GPC5: variants seen among roughly 807,000 people sequenced by gnomAD.
GPC5 encodes the protein glypican-5.
Under a neutral mutation model 53.9 loss-of-function variants are expected in GPC5, and 47 were observed. The ratio of observed to expected loss-of-function variants is 0.87; its 90% CI spans 0.69 to 1.11. GPC5 has a LOEUF of 1.11. Among genes scored for constraint, GPC5 ranks in the 50% most tolerant of loss-of-function variants. The pLI is 0.00. For synonymous variants in GPC5, 286 were observed against 263.3 expected, an observed-to-expected ratio of 1.09 and a Z score of -0.84; for missense variants, 748 against 713.1, an observed-to-expected ratio of 1.05 and a Z score of -0.56.
intron 7 of GPC5, among the ~76,000 whole-genome samples, chr13:92,244,802 G>A (rs1436529102): frequency 6.6e-6 from 1 of 152,018 alleles, no homozygotes; most frequent in East Asian, 1.9e-4. Context: ...CAGTTTGGGA[G>A]GCCGAGGTGG....
At chr13:92,633,036 A>G (rs1408644370) in intron 7 of GPC5, among the ~76,000 whole-genome samples, 2 of 152,034 alleles carry the variant, frequency 1.3e-5, no homozygotes, top group South Asian at 2.1e-4. Flanking sequence ...GATTACAGGC[A>G]TGCACCACTA....
At chr13:92,090,481 C>A (rs2041371235) in intron 6 of GPC5, among the ~76,000 whole-genome samples, 1 of 152,088 alleles carries the variant, frequency 6.6e-6, no homozygotes, top group Non-Finnish European at 1.5e-5. Flanking sequence ...GAAGAGATGG[C>A]AATTCATGAA....
At chr13:92,287,765 A>G (rs1488103079) in intron 7 of GPC5, among the ~76,000 whole-genome samples, 1 of 152,090 alleles carries the variant, frequency 6.6e-6, no homozygotes, top group Non-Finnish European at 1.5e-5. Context: ...TCCTGCTTGT[A>G]GCTTGTTGAG....
At chr13:91,874,481 G>A (rs1440641909) in intron 5 of GPC5, among the ~76,000 whole-genome samples, 2 of 151,974 alleles carry the variant, frequency 1.3e-5, no homozygotes, top group Non-Finnish European at 2.9e-5. Context: ...CTATGTATAT[G>A]TCTATTGTTT....
chr13:92,217,289 G>A (rs890435415), intron 7 of GPC5, among the ~76,000 whole-genome samples: 2 of 152,184 alleles, frequency 1.3e-5, no homozygotes, highest in South Asian at 2.1e-4. Context: ...AGACTCCTAA[G>A]CCTTCTCCTA....
intron 1 of GPC5, among the ~76,000 whole-genome samples, chr13:91,419,928 T>C (rs1411236661): frequency 6.6e-6 from 1 of 152,192 alleles, no homozygotes; most frequent in Non-Finnish European, 1.5e-5. Context: ...TTACTGTTAG[T>C]TATGTCACAG....
At chr13:92,057,071 G>A (rs1300262264) in intron 6 of GPC5, among the ~76,000 whole-genome samples, 1 of 152,142 alleles carries the variant, frequency 6.6e-6, no homozygotes, top group Non-Finnish European at 1.5e-5. Flanking sequence ...AATCTGGACT[G>A]GCTTTATGAC....
At chr13:91,629,471 C>T (rs952479230) in intron 2 of GPC5, among the ~76,000 whole-genome samples, 7 of 151,940 alleles carry the variant, frequency 4.6e-5, no homozygotes, top group Non-Finnish European at 8.8e-5. Flanking sequence ...GGTGAAACTC[C>T]GCCTCTACTA....
intron 6 of GPC5, among the ~76,000 whole-genome samples, chr13:92,033,409 C>T (rs1336463811): frequency 6.6e-6 from 1 of 152,122 alleles, no homozygotes; most frequent in African/African-American, 2.4e-5. Flanking sequence ...TCACAAAGTA[C>T]TCTCATTAGA....
At chr13:92,381,963 T>TATGC (rs1250006935) in intron 7 of GPC5, among the ~76,000 whole-genome samples, 14 of 96,994 alleles carry the variant, frequency 1.4e-4, no homozygotes, top group Admixed American at 1.4e-3. Flanking sequence ...TGTATGTATG[T>TATGC]ATCTATCTAT....
chr13:91,715,039 G>T (rs1483468223), intron 3 of GPC5, among the ~76,000 whole-genome samples: 2 of 152,210 alleles, frequency 1.3e-5, no homozygotes, highest in Non-Finnish European at 2.9e-5. Context: ...CTAATTACAT[G>T]CAGATTAAGG....
chr13:91,669,592 CG>C (rs2035197126), intron 2 of GPC5, among the ~76,000 whole-genome samples: 2 of 151,900 alleles, frequency 1.3e-5, no homozygotes, highest in South Asian at 4.2e-4. Context: ...TTTACTGAGA[CG>C]ATAACAGCTG....
intron 7 of GPC5, among the ~76,000 whole-genome samples, chr13:92,703,809 T>C (rs546371962): frequency 6.6e-6 from 1 of 152,058 alleles, no homozygotes; most frequent in African/African-American, 2.4e-5. Context: ...TAAGTTTAAA[T>C]ATAGTCCTGG....
intron 7 of GPC5, among the ~76,000 whole-genome samples, chr13:92,808,231 ATTTT>A (rs1877171800): frequency 6.6e-6 from 1 of 152,088 alleles, no homozygotes; most frequent in Admixed American, 6.6e-5. Flanking sequence ...GTTTCCATAG[ATTTT>A]GTAATGCTTT....
intron 7 of GPC5, among the ~76,000 whole-genome samples, chr13:92,385,347 CATATATACATATATACATATATAT>C (rs2043784512): frequency 1.1e-5 from 1 of 87,026 alleles, no homozygotes; most frequent in African/African-American, 4.3e-5. Flanking sequence ...CATATATATA[CATATATACATATATACATATATAT>C]ACATATATAC....
intron 6 of GPC5, among the ~76,000 whole-genome samples, chr13:92,088,201 A>G (rs531577681): frequency 3.9e-5 from 6 of 152,150 alleles, no homozygotes; most frequent in Non-Finnish European, 8.8e-5. Context: ...TAACTACTCT[A>G]CCGAAGCTGC....
Position 91,444,496 on chromosome 13 carries a change from G to A in GPC5, c.164-4265G>A, listed in dbSNP as rs184269949. On this transcript the variant is annotated intron_variant, in intron 1 of 7. Transcript: ENST00000377067. ...ATATGAAGTTAGTGTTTGTTTTTCT[G>A]AACATTTTTATTGAGACAGGCTTCA... 2.0e-4 allele frequency among the ~76,000 whole-genome samples: 30 copies of A among 152,198 alleles called. No homozygotes were observed. In the South Asian group the frequency reaches 2.7e-3, roughly 14 times the overall value.
At chr13:92,402,109 A>C (rs2139337914) in intron 7 of GPC5, among the ~76,000 whole-genome samples, 1 of 152,298 alleles carries the variant, frequency 6.6e-6, no homozygotes, top group South Asian at 2.1e-4. Flanking sequence ...TTTGTTGAGT[A>C]GGAGTGAAGT....
intron 7 of GPC5, among the ~76,000 whole-genome samples, chr13:92,825,564 A>G (rs1203985823): frequency 1.3e-5 from 2 of 152,150 alleles, no homozygotes; most frequent in Non-Finnish European, 2.9e-5. Flanking sequence ...CATAACATGA[A>G]TTACATACTT....
Sources: allele counts gnomAD v4.1 joint callset (sites outside exome capture counted in the v4.1 genomes callset), GRCh38; gene constraint gnomAD v4.1.1; transcripts MANE v1.5; gene names NCBI Gene and HGNC (gene_info 2026-07-23, HGNC 2026-07-21).